The following SPOCK1 variants were observed in gnomAD, a reference collection of about 807,000 sequenced individuals.
The protein encoded by SPOCK1 is SPARC (osteonectin), cwcv and kazal like domains proteoglycan 1.
In SPOCK1, 23 loss-of-function variants were observed where a neutral mutation model predicts 55.3. That is an observed-to-expected ratio of 0.42 (90% CI 0.30 to 0.59). The LOEUF (loss-of-function observed/expected upper bound fraction) is 0.59. Ranked by LOEUF, SPOCK1 falls within the 20% of genes least tolerant of loss-of-function variation. The pLI is 0.22. For synonymous variants in SPOCK1, 226 were observed against 221.0 expected (o/e 1.02, Z -0.20); for missense variants, 499 against 552.5 (o/e 0.90, Z 0.97).
At chr5:137,432,071 G>T (rs1205437441) in intron 2 of SPOCK1, among the ~76,000 whole-genome samples, 1 of 152,144 alleles carries the variant, frequency 6.6e-6, no homozygotes, top group Non-Finnish European at 1.5e-5. Context: ...CACCCCTTAG[G>T]ATGGTTATTA....
At chr5:137,297,520 AT>A (rs1757511788) in intron 2 of SPOCK1, among the ~76,000 whole-genome samples, 1 of 152,218 alleles carries the variant, frequency 6.6e-6, no homozygotes, top group East Asian at 1.9e-4. Context: ...GCAGGCATGA[AT>A]TGTTTTAACA....
At chr5:137,276,712 T>C (rs766541746) in intron 2 of SPOCK1, among the ~76,000 whole-genome samples, 7 of 152,122 alleles carry the variant, frequency 4.6e-5, no homozygotes, top group Non-Finnish European at 7.4e-5. Context: ...AATAGATAAC[T>C]CCCTTTTAGT....
intron 2 of SPOCK1, among the ~76,000 whole-genome samples, chr5:137,487,884 T>C (rs1052628743): frequency 9.2e-5 from 14 of 152,348 alleles, no homozygotes; most frequent in African/African-American, 3.1e-4. Context: ...CCATTTTTTC[T>C]GATGTGAATG....
chr5:137,044,064 T>A (rs537359474), intron 6 of SPOCK1, among the ~76,000 whole-genome samples: 8 of 152,254 alleles, frequency 5.3e-5, no homozygotes, highest in South Asian at 4.2e-4. Context: ...TGTGAAAAAA[T>A]TAACATTAAA....
chr5:137,275,482 C>T (rs539864321), intron 2 of SPOCK1, among the ~76,000 whole-genome samples: 83 of 152,326 alleles, frequency 5.4e-4, no homozygotes, highest in African/African-American at 1.9e-3. Flanking sequence ...AACTCTGATG[C>T]CTGGCCCAGG....
chr5:137,159,378 T>C (rs1179446464), intron 3 of SPOCK1, among the ~76,000 whole-genome samples: 1 of 152,162 alleles, frequency 6.6e-6, no homozygotes, highest in Non-Finnish European at 1.5e-5. Flanking sequence ...ATTAGGATCA[T>C]TTAAAAACCT....
chr5:137,151,618 C>A (rs1464929899), intron 3 of SPOCK1, among the ~76,000 whole-genome samples: 1 of 152,168 alleles, frequency 6.6e-6, no homozygotes, highest in Non-Finnish European at 1.5e-5. Context: ...CTTGCAGGAC[C>A]AGAAAGCAGT....
chr5:137,370,612 C>T (rs1230121202), intron 2 of SPOCK1, among the ~76,000 whole-genome samples: 1 of 152,194 alleles, frequency 6.6e-6, no homozygotes, highest in East Asian at 1.9e-4. Context: ...AAACACCCAA[C>T]CCAGTGACAC....
At chr5:137,437,641 C>T (rs1489497630) in intron 2 of SPOCK1, among the ~76,000 whole-genome samples, 1 of 152,138 alleles carries the variant, frequency 6.6e-6, no homozygotes, top group East Asian at 1.9e-4. Context: ...CTATGGAATA[C>T]ATGTGATAAT....
intron 2 of SPOCK1, among the ~76,000 whole-genome samples, chr5:137,379,974 C>T (rs563145609): frequency 2.7e-4 from 41 of 152,362 alleles, no homozygotes; most frequent in African/African-American, 9.9e-4. Flanking sequence ...CACTTTAACA[C>T]TTAGTGAGTA....
chr5:137,060,269 TA>T (rs773589612), intron 6 of SPOCK1, among the ~76,000 whole-genome samples: 43 of 152,184 alleles, frequency 2.8e-4, no homozygotes, highest in Admixed American at 5.9e-4. Flanking sequence ...TACATAGCCA[TA>T]AAAAAGAGTG....
intron 2 of SPOCK1, among the ~76,000 whole-genome samples, chr5:137,267,507 A>G (rs1756883201): frequency 6.6e-6 from 1 of 152,180 alleles, no homozygotes; most frequent in Admixed American, 6.6e-5. Flanking sequence ...GTTTTTCAAT[A>G]CTCACAAAAC....
chr5:137,341,115 G>C (rs531209331), intron 2 of SPOCK1, among the ~76,000 whole-genome samples: 2 of 152,096 alleles, frequency 1.3e-5, no homozygotes, highest in African/African-American at 2.4e-5. Context: ...TCATGTACTC[G>C]CTGCACCATC....
At chr5:137,367,447 G>A (rs1415624537) in intron 2 of SPOCK1, among the ~76,000 whole-genome samples, 1 of 152,144 alleles carries the variant, frequency 6.6e-6, no homozygotes, top group Admixed American at 6.5e-5. Context: ...GGGGTTCAAG[G>A]CCCCAGACAA....
rs116239377 is a variant in SPOCK1, at chr5:137,373,251, T to C, written c.187-106196A>G. 8.1e-3 allele frequency among the ~76,000 whole-genome samples: 1,239 copies of C among 152,252 alleles called. 18 individuals are homozygous for C. The highest frequency in any genetic ancestry group is 0.028 in the African/African-American group (1,176 of 41,530). ...TAATTACCTGCTACCAACTGTACTGTGAGTAAAAGTGCATTTAAAAATCAA... is the reference window on the plus strand; with the variant it reads ...TAATTACCTGCTACCAACTGTACTGCGAGTAAAAGTGCATTTAAAAATCAA... On this transcript the variant is annotated intron_variant, in intron 2 of 10. Transcript: ENST00000394945.
intron 2 of SPOCK1, among the ~76,000 whole-genome samples, chr5:137,293,107 T>C (rs1757406328): frequency 6.8e-6 from 1 of 147,446 alleles, no homozygotes. Flanking sequence ...TTTTTTTTTT[T>C]TTTTTTTTTT....
In SPOCK1 at chr5:137,131,992, ATATATAT is replaced by A. The variant is rs1561621145; in HGVS notation, c.347+8581_347+8587del. 7.9e-3 allele frequency among the ~76,000 whole-genome samples: 262 copies of A among 32,992 alleles called. 9 individuals carry two copies. Among genetic ancestry groups the A allele is most frequent in the Middle Eastern group, 0.026 (1 of 38 alleles). 21.6% of individuals were successfully genotyped at this position (32,992 alleles called of 152,430 possible). On this transcript the variant is annotated intron_variant, in intron 4 of 10. Transcript: ENST00000394945. The stretch of plus-strand genomic sequence containing the variant: ...GTCTCAAAAAAAAAAAAAAAAAAAT[ATATATAT>A]ATATATATATATATATATATAAAAA...
intron 4 of SPOCK1, among the ~76,000 whole-genome samples, chr5:137,129,967 A>G (rs1289526121): frequency 2.0e-5 from 3 of 152,194 alleles, no homozygotes; most frequent in Non-Finnish European, 4.4e-5. Flanking sequence ...CATTTTAAAG[A>G]GGGAACTTCC....
chr5:137,176,020 C>T (rs1754844663), intron 3 of SPOCK1, among the ~76,000 whole-genome samples: 2 of 152,176 alleles, frequency 1.3e-5, no homozygotes, highest in African/African-American at 4.8e-5. Flanking sequence ...TCTAATGCTA[C>T]AGAAAGAAAC....
Sources: allele counts gnomAD v4.1 joint callset (sites outside exome capture counted in the v4.1 genomes callset), GRCh38; gene constraint gnomAD v4.1.1; transcripts MANE v1.5; gene names NCBI Gene and HGNC (gene_info 2026-07-23, HGNC 2026-07-21).